The following PCDH11X variants were observed in gnomAD, a reference collection of about 807,000 sequenced individuals.
PCDH11X encodes protocadherin 11 X-linked, also known as protocadherin-11 X-linked.
PCDH11X carries 18 observed loss-of-function variants against 53.3 expected under a neutral mutation model. The ratio of observed to expected loss-of-function variants is 0.34; its 90% CI spans 0.23 to 0.50. PCDH11X has a LOEUF of 0.50. Among genes scored for constraint, PCDH11X ranks in the 20% least tolerant of loss-of-function variants. The pLI, the probability that PCDH11X is intolerant of heterozygous loss-of-function variation, is 0.98. For synonymous variants in PCDH11X, 279 were observed against 393.3 expected, an observed-to-expected ratio of 0.71 and a Z score of 3.44; for missense variants, 570 against 1,032.4, an observed-to-expected ratio of 0.55 and a Z score of 6.14.
intron 6 of PCDH11X, among the ~76,000 whole-genome samples, chrX:91,934,301 A>G (rs191841440): frequency 9.0e-6 from 1 of 111,404 alleles, no homozygotes; most frequent in Non-Finnish European, 1.9e-5. Flanking sequence ...GAGAAAGCTT[A>G]GTTCCTTTAG....
At chrX:92,555,682 T>C (rs934750653) in intron 10 of PCDH11X, among the ~76,000 whole-genome samples, 4 of 111,480 alleles carry the variant, frequency 3.6e-5, no homozygotes, top group African/African-American at 1.3e-4. Flanking sequence ...AGCTGCTTGG[T>C]ATTTGGATAG....
chrX:92,486,095 A>G (rs1185288557), intron 10 of PCDH11X, among the ~76,000 whole-genome samples: 2 of 110,436 alleles, frequency 1.8e-5, no homozygotes, highest in African/African-American at 6.6e-5. Flanking sequence ...CCAAATACCC[A>G]AACAATAAGA....
chrX:92,508,889 A>G (rs2074115107), intron 10 of PCDH11X, among the ~76,000 whole-genome samples: 1 of 107,494 alleles, frequency 9.3e-6, no homozygotes, highest in African/African-American at 3.4e-5. Context: ...TTTTGCCCAC[A>G]TGAGACGTTG....
chrX:92,275,047 A>G lies in PCDH11X; in HGVS notation c.3144+11904A>G, dbSNP rs1028499924. 2.0e-3 allele frequency among the ~76,000 whole-genome samples: 201 copies of G among 102,694 alleles called. 1 individual carries two copies. The highest frequency in any genetic ancestry group is 3.0e-3 in the Non-Finnish European group (152 of 49,892). The allele number at this position is 102,694 out of a possible 115,157, so 89.2% of individuals were successfully genotyped here. On this transcript the variant is annotated intron_variant, in intron 8 of 10. Coordinates refer to ENST00000682573, the MANE Select transcript of PCDH11X (RefSeq NM_032968.5). ...GGAGCAGAAAGTATATGCGTCAGTT[A>G]TGAGGAAGAAAATAGATTTTGGAAG... is the stretch of plus-strand genomic sequence containing the variant.
chrX:91,890,788 G>A (rs919110676), intron 6 of PCDH11X, among the ~76,000 whole-genome samples: 29 of 110,526 alleles, frequency 2.6e-4, no homozygotes, highest in African/African-American at 9.2e-4. Flanking sequence ...AACTTTATGG[G>A]TTTAATTTAT....
intron 8 of PCDH11X, among the ~76,000 whole-genome samples, chrX:92,287,493 A>T (rs1228819910): frequency 9.0e-6 from 1 of 110,860 alleles, no homozygotes; most frequent in Non-Finnish European, 1.9e-5. Flanking sequence ...AATACTTCTC[A>T]TTCAGTATCC....
chrX:92,613,334 G>T (rs1367169901), intron 10 of PCDH11X, among the ~76,000 whole-genome samples: 1 of 110,707 alleles, frequency 9.0e-6, no homozygotes, highest in Non-Finnish European at 1.9e-5. Flanking sequence ...AAAATCGTTT[G>T]TTTCTCCTTT....
rs11444122 is a variant in PCDH11X at position 92,576,205 on chromosome X, C to CTT, written c.3368-42052_3368-42051dup. ...TCTTGTCTTATATAACTGTTCTGCT[C>CTT]TTTTTTTTGATTTTCATTGGCAGGT... On this transcript the variant is annotated intron_variant, in intron 10 of 10. Coordinates refer to ENST00000682573, the MANE Select transcript of PCDH11X (RefSeq NM_032968.5). Among the ~76,000 whole-genome samples the CTT allele has an allele frequency of 6.2e-4, 62 of 100,751 alleles. No homozygotes were observed. The East Asian group carries it at 0.016, about 25-fold the overall frequency. The allele number at this position is 100,751 out of a possible 115,157, so 87.5% of individuals were successfully genotyped here.
intron 6 of PCDH11X, among the ~76,000 whole-genome samples, chrX:92,080,409 G>A (rs753556393): frequency 6.3e-5 from 7 of 110,779 alleles, no homozygotes; most frequent in African/African-American, 1.6e-4. Flanking sequence ...TGTATTACTC[G>A]GAATGTATAA....
intron 6 of PCDH11X, among the ~76,000 whole-genome samples, chrX:92,033,722 A>G (rs1211021542): frequency 9.1e-6 from 1 of 109,767 alleles, no homozygotes; most frequent in Non-Finnish European, 1.9e-5. Flanking sequence ...CTTGTGTATC[A>G]TTTCCTTATT....
chrX:92,547,711 C>A (rs868401203), intron 10 of PCDH11X, among the ~76,000 whole-genome samples: 68 of 110,540 alleles, frequency 6.2e-4, no homozygotes, highest in Middle Eastern at 4.7e-3. Context: ...TTCTAATGGG[C>A]TTTTTCTTTT....
intron 6 of PCDH11X, among the ~76,000 whole-genome samples, chrX:92,142,193 G>A (rs1160386657): frequency 1.6e-4 from 16 of 101,279 alleles, no homozygotes; most frequent in African/African-American, 5.3e-4. Context: ...TTTTGCTCTT[G>A]TTGCCCAGGC....
chrX:91,898,119 AT>A (rs1329913543), intron 6 of PCDH11X, among the ~76,000 whole-genome samples: 8 of 111,338 alleles, frequency 7.2e-5, no homozygotes, highest in African/African-American at 2.0e-4. Context: ...GTATAAAAAA[AT>A]GTACATAGCA....
In PCDH11X at chrX:92,406,284, G is replaced by A. The variant is rs767919619; in HGVS notation, c.3343+18351G>A. Among the ~76,000 whole-genome samples the A allele has an allele frequency of 7.4e-3, 805 of 108,372 alleles. 14 individuals are homozygous for A. The highest frequency in any genetic ancestry group is 0.026 in the African/African-American group (778 of 29,665). 94.1% of individuals were successfully genotyped at this position (108,372 alleles called of 115,157 possible). A position where few individuals can be genotyped will look rare whatever the true frequency, so the allele number is the denominator to read the frequency against. ...CTTGCAGAATTTTCTACATTAAAAA[G>A]AATAGATATATCTCATTATTTTAGC... is the stretch of plus-strand genomic sequence containing the variant. On this transcript the variant is annotated intron_variant, in intron 9 of 10. Coordinates refer to ENST00000682573, the MANE Select transcript of PCDH11X (RefSeq NM_032968.5).
intron 4 of PCDH11X, among the ~76,000 whole-genome samples, chrX:91,817,115 A>G (rs1376622836): frequency 9.0e-6 from 1 of 111,381 alleles, no homozygotes; most frequent in Admixed American, 9.6e-5. Flanking sequence ...TCTCAGATAC[A>G]GTACATTTAT....
intron 6 of PCDH11X, among the ~76,000 whole-genome samples, chrX:92,078,858 A>G (rs1253199808): frequency 9.0e-6 from 1 of 111,029 alleles, no homozygotes; most frequent in Non-Finnish European, 1.9e-5. Context: ...ATGCACACAC[A>G]TACTCTCTCA....
chrX:91,782,090 G>T (rs767622345), intron 1 of PCDH11X, among the ~76,000 whole-genome samples: 11 of 110,643 alleles, frequency 9.9e-5, no homozygotes, highest in Non-Finnish European at 2.1e-4. Context: ...AGTCCGACCC[G>T]CAAGCACGAG....
intron 8 of PCDH11X, among the ~76,000 whole-genome samples, chrX:92,268,792 A>C (rs12559956): frequency 0.033 from 3,639 of 111,824 alleles, 122 homozygotes; most frequent in East Asian, 0.28. Context: ...TTCTCCATCT[A>C]TGCTAGTGTC....
At chrX:92,575,940 T>TACACACACACAC (rs1281104592) in intron 10 of PCDH11X, among the ~76,000 whole-genome samples, 2 of 26,565 alleles carry the variant, frequency 7.5e-5, no homozygotes, top group Non-Finnish European at 1.3e-4. Context: ...TATATATATA[T>TACACACACACAC]ATATACACAC....
Sources: gnomAD v4.1 joint callset for allele counts (sites outside exome capture counted in the v4.1 genomes callset) on GRCh38, gnomAD v4.1.1 for gene constraint, MANE v1.5 for transcripts, NCBI Gene and HGNC (gene_info 2026-07-23, HGNC 2026-07-21) for gene names.